The following PDE8B variants were observed in gnomAD, a reference collection of about 807,000 sequenced individuals.
PDE8B encodes high affinity cAMP-specific and IBMX-insensitive 3',5'-cyclic phosphodiesterase 8B.
In PDE8B, 26 loss-of-function variants were observed where a neutral mutation model predicts 101.3. That is an observed-to-expected ratio of 0.26 (90% CI 0.19 to 0.36). The LOEUF is 0.36. Ranked by LOEUF, PDE8B falls within the 10% of genes least tolerant of loss-of-function variation. The pLI is 1.00. For synonymous variants in PDE8B, 424 were observed against 429.3 expected (o/e 0.99, Z 0.15); for missense variants, 810 against 1,163.1 (o/e 0.70, Z 4.42).
chr5:77,420,061 G>A (rs1242901821), intron 19 of PDE8B, among the ~76,000 whole-genome samples, 174 bp downstream of exon 19: 3 of 152,148 alleles, frequency 2.0e-5, no homozygotes, highest in Non-Finnish European at 4.4e-5. Context: ...AATAAACTGT[G>A]TCCACAGCAA....
chr5:77,374,779 A>G (rs577229055), intron 10 of PDE8B, among the ~76,000 whole-genome samples: 1 of 152,352 alleles, frequency 6.6e-6, no homozygotes, highest in East Asian at 1.9e-4. Flanking sequence ...AGTATTTGCC[A>G]TTGAATCTTG....
intron 1 of PDE8B, among the ~76,000 whole-genome samples, chr5:77,228,772 A>C (rs2149474702): frequency 6.6e-6 from 1 of 152,326 alleles, no homozygotes. Flanking sequence ...AGGTGATCAC[A>C]GGGAGGATTT....
At chr5:77,160,344 G>C in the PDE8B span, among the ~76,000 whole-genome samples, 1 of 152,164 alleles carries the variant, frequency 6.6e-6, no homozygotes, top group South Asian at 2.1e-4. Flanking sequence ...GCACGTACTC[G>C]AGTCCCACAG....
At chr5:77,243,234 A>G (rs1209345350) in intron 1 of PDE8B, among the ~76,000 whole-genome samples, 1 of 152,200 alleles carries the variant, frequency 6.6e-6, no homozygotes, top group African/African-American at 2.4e-5. Context: ...CCATAGATAA[A>G]AATGTAATAC....
intron 10 of PDE8B, among the ~76,000 whole-genome samples, chr5:77,365,668 C>G (rs1285491451): frequency 6.6e-6 from 1 of 152,210 alleles, no homozygotes; most frequent in Non-Finnish European, 1.5e-5. Context: ...TGCCCTTCCT[C>G]AGGCTTTGTC....
At chr5:77,137,982 C>A in the PDE8B span, among the ~76,000 whole-genome samples, 1 of 152,018 alleles carries the variant, frequency 6.6e-6, no homozygotes, top group Non-Finnish European at 1.5e-5. Context: ...GCTGGAAAGA[C>A]CCTTTCTATT....
the PDE8B span, among the ~76,000 whole-genome samples, chr5:77,183,579 A>G: frequency 2.0e-5 from 3 of 152,344 alleles, no homozygotes; most frequent in East Asian, 5.8e-4. Flanking sequence ...AGTGCCTACT[A>G]CGTGTCAGAT....
intron 1 of PDE8B, among the ~76,000 whole-genome samples, chr5:77,297,027 A>G (rs750921229): frequency 6.6e-6 from 1 of 152,168 alleles, no homozygotes. Flanking sequence ...TGAAAGGACT[A>G]GAGACATCTC....
chr5:77,412,380 T>A (rs545725446), intron 16 of PDE8B, 145 bp downstream of exon 16: 1 of 788,920 alleles, frequency 1.3e-6, no homozygotes, highest in Admixed American at 1.9e-5. Flanking sequence ...TAGTGTTGAA[T>A]GAGCAGAGAG....
intron 11 of PDE8B, among the ~76,000 whole-genome samples, chr5:77,401,045 G>A (rs962252493): frequency 5.9e-5 from 9 of 152,176 alleles, no homozygotes; most frequent in African/African-American, 2.2e-4. Flanking sequence ...TACTTAGAAA[G>A]ATGTCATTTG....
chr5:77,135,126 C>T, the PDE8B span, among the ~76,000 whole-genome samples: 14 of 152,366 alleles, frequency 9.2e-5, no homozygotes, highest in African/African-American at 3.1e-4. Flanking sequence ...TTGCCTCAGA[C>T]ACTAACACTC....
intron 1 of PDE8B, among the ~76,000 whole-genome samples, chr5:77,237,763 C>A (rs73135264): frequency 0.011 from 1,631 of 152,196 alleles, 23 homozygotes; most frequent in African/African-American, 0.037. Context: ...CTTTAGAATT[C>A]TTTTAGAGCA....
At chr5:77,153,822 G>A in the PDE8B span, among the ~76,000 whole-genome samples, 1 of 152,064 alleles carries the variant, frequency 6.6e-6, no homozygotes, top group Admixed American at 6.5e-5. Context: ...TGATCCACCT[G>A]CCTCAGCCTC....
the PDE8B span, among the ~76,000 whole-genome samples, chr5:77,155,281 G>A: frequency 2.6e-5 from 4 of 152,326 alleles, no homozygotes; most frequent in Non-Finnish European, 5.9e-5. Context: ...TTTTTAAAAT[G>A]TAAACACTAT....
At chr5:77,194,022 G>A in the PDE8B span, among the ~76,000 whole-genome samples, 5 of 152,070 alleles carry the variant, frequency 3.3e-5, no homozygotes, top group East Asian at 3.8e-4. Flanking sequence ...ATTAGTTCTA[G>A]CAGCTGTTTT....
intron 10 of PDE8B, among the ~76,000 whole-genome samples, chr5:77,361,886 G>A (rs138897592): frequency 7.6e-4 from 116 of 152,214 alleles, no homozygotes; most frequent in African/African-American, 2.5e-3. Context: ...TTCATTAACT[G>A]TAACCATAAA....
chr5:77,407,370 C>T lies in PDE8B; in HGVS notation c.1289-11C>T, dbSNP rs887902803. ...CCGGAACTGGACACAGCTTTCTTGC[C>T]TTCTCTCCAGCACCAAGCCTGCAGA... On this transcript the variant is annotated splice_polypyrimidine_tract_variant and intron_variant, in intron 12 of 21. Coordinates refer to ENST00000264917, the MANE Select transcript of PDE8B (RefSeq NM_003719.5). The T allele has an allele frequency of 3.1e-6, 5 of 1,612,904 alleles. No individual in the cohort carries two copies. Among genetic ancestry groups the T allele is most frequent in the African/African-American group, 2.7e-5 (2 of 74,892 alleles).
intron 1 of PDE8B, among the ~76,000 whole-genome samples, chr5:77,249,741 C>T (rs960852006): frequency 2.6e-5 from 4 of 152,202 alleles, no homozygotes; most frequent in Non-Finnish European, 5.9e-5. Flanking sequence ...AGGCCATTTG[C>T]TCTTGTTTAC....
At chr5:77,157,940 C>A in the PDE8B span, among the ~76,000 whole-genome samples, 115,552 of 151,728 alleles carry the variant, frequency 0.76, 44,347 homozygotes, top group African/African-American at 0.85. Context: ...TTCAATCAGA[C>A]GGTATTTACA....
Sources: allele counts gnomAD v4.1 joint callset (sites outside exome capture counted in the v4.1 genomes callset), GRCh38; gene constraint gnomAD v4.1.1; transcripts MANE v1.5; gene names NCBI Gene and HGNC (gene_info 2026-07-23, HGNC 2026-07-21).